Variants in ZNF558 observed in about 807,000 individuals in gnomAD.
ZNF558 encodes the protein zinc finger protein 558.
Under a neutral mutation model 37.6 loss-of-function variants are expected in ZNF558, and 23 were observed. That is an observed-to-expected ratio of 0.61 (90% confidence interval 0.44 to 0.87). The LOEUF is 0.87. Among genes scored for constraint, ZNF558 ranks in the 40% least tolerant of loss-of-function variants. ZNF558 has a pLI of 0.00. For missense variants in ZNF558, 429 were observed against 483.7 expected, an observed-to-expected ratio of 0.89 and a Z score of 1.06; for synonymous variants, 189 against 174.4, an observed-to-expected ratio of 1.08 and a Z score of -0.66.
intron 6 of ZNF558, 68 bp from the exon 7 acceptor site, chr19:8,821,374 C>T: frequency 1.1e-5 from 17 of 1,613,836 alleles, no homozygotes; most frequent in Non-Finnish European, 1.4e-5. Flanking sequence ...GAAGAGGGGC[C>T]AGGAGAACAG....
rs2043760083 is a variant in ZNF558 at position 8,810,576 on chromosome 19, A to C, written c.*705T>G. The C allele has an allele frequency of 6.6e-6, 1 of 152,224 alleles. No individual in the cohort carries two copies. The highest frequency in any genetic ancestry group is 1.5e-5 in the Non-Finnish European group (1 of 68,050). The allele number at this position is 152,224 out of a possible 1,614,324, so 9.4% of individuals were successfully genotyped here. On this transcript the variant is annotated 3_prime_UTR_variant, in exon 10 of 10. Transcript: ENST00000601372. ...GATTGTCCTCAAAAGGTTTCTCTTC[A>C]GAGTGAATTAATAGGAGTTACTGAA...
chr19:8,819,933 G>A (rs1230689270), intron 7 of ZNF558, among the ~76,000 whole-genome samples: 2 of 152,144 alleles, frequency 1.3e-5, no homozygotes, highest in Non-Finnish European at 2.9e-5. Context: ...GCGACAGAGG[G>A]AGACTGTGTC....
In ZNF558 at chr19:8,809,104, A is replaced by G. The variant is rs1206211852; in HGVS notation, c.*2177T>C. The G allele has an allele frequency of 6.6e-6, 1 of 152,322 alleles. No homozygotes were observed. Among genetic ancestry groups the G allele is most frequent in the South Asian group, 2.1e-4 (1 of 4,828 alleles). 9.4% of individuals were successfully genotyped at this position (152,322 alleles called of 1,614,324 possible). ...TAGGGGTTTCTTTTAGTCACATAAG[A>G]AGTATAAGAATAAGGAGTCCAGAGC... On this transcript the variant is annotated 3_prime_UTR_variant, in exon 10 of 10. Transcript: ENST00000601372.
chr19:8,816,750 G>A (rs539932573), intron 7 of ZNF558, among the ~76,000 whole-genome samples: 1 of 152,284 alleles, frequency 6.6e-6, no homozygotes, highest in South Asian at 2.1e-4. Context: ...ATACAGAGGT[G>A]AATATAAAAG....
At chr19:8,826,197 G>A (rs1290387096) in intron 2 of ZNF558, among the ~76,000 whole-genome samples, 1 of 152,118 alleles carries the variant, frequency 6.6e-6, no homozygotes, top group Non-Finnish European at 1.5e-5. Flanking sequence ...AACCTTTCTG[G>A]TACCAGGGAC....
At chr19:8,833,738 C>CA (rs2044416960), upstream of ZNF558, among the ~76,000 whole-genome samples, 1 of 150,236 alleles carries the variant, frequency 6.7e-6, no homozygotes, top group African/African-American at 2.5e-5. Context: ...CTTGTAATCC[C>CA]AACACTTTGG....
chr19:8,823,972 C>A (rs1433731379), intron 4 of ZNF558, 110 bp downstream of exon 4: 1 of 152,662 alleles, frequency 6.6e-6, no homozygotes, highest in East Asian at 1.9e-4. Flanking sequence ...TTCACACCTC[C>A]TCCCCTGTCC....
At position 8,822,786 on chromosome 19, in the gene ZNF558, G is replaced by C. The variant is rs531022449; in HGVS notation, c.-65-62C>G. 4 of 1,456,280 alleles carry C rather than the reference G, an allele frequency of 2.7e-6. No individual in the cohort carries two copies. The East Asian group carries it at 9.2e-5, about 33-fold the overall frequency. 90.2% of individuals were successfully genotyped at this position (1,456,280 alleles called of 1,614,324 possible). On this transcript the variant is annotated intron_variant, in intron 4 of 9. Coordinates refer to ENST00000601372, the MANE Select transcript of ZNF558 (RefSeq NM_144693.3). The surrounding 1 kb of genome is among the most constrained non-coding windows in gnomAD (Gnocchi z 4.4). ...TCCTCCCTCTCGGGCTGCTGGGGAT[G>C]GGCCCTCCTCAACCCATCCTTCCCA...
In ZNF558 at chr19:8,811,619, G is replaced by T; in HGVS notation, c.871C>A (p.Pro291Thr). The stretch of plus-strand genomic sequence containing the variant: ...TTCCCACAATCGTGACATTCATAAG[G>T]TTTCTCCCCTGTATGAATGCTATTG... ...GHNSIHTGEK[P>T]YECHDCGKTF... is the part of the protein sequence containing the mutation. Residue 291 changes from proline (P) to threonine (T), a missense_variant, in exon 10 of 10, where the codon CCT becomes ACT. Physicochemically the swap from Pro to Thr is conservative, Grantham distance 38. Coordinates refer to ENST00000601372, the MANE Select transcript of ZNF558 (RefSeq NM_144693.3). The T allele has an allele frequency of 1.2e-6, 2 of 1,614,082 alleles. No individual in the cohort carries two copies. The highest frequency in any genetic ancestry group is 1.7e-5 in the Admixed American group (1 of 60,018).
chr19:8,817,792 GATTATAAACAT>G (rs1310661170), intron 7 of ZNF558, among the ~76,000 whole-genome samples: 4 of 152,120 alleles, frequency 2.6e-5, no homozygotes, highest in African/African-American at 9.7e-5. Flanking sequence ...AAAATGTAAC[GATTATAAACAT>G]ATATGTGCCT....
chr19:8,815,110 A>T (rs1362800878), intron 7 of ZNF558, among the ~76,000 whole-genome samples: 4 of 152,182 alleles, frequency 2.6e-5, no homozygotes, highest in Non-Finnish European at 4.4e-5. Flanking sequence ...CGTTGGGCCC[A>T]TTACAAGAAA....
chr19:8,829,498 A>C (rs2044303062), intron 2 of ZNF558, among the ~76,000 whole-genome samples: 1 of 152,188 alleles, frequency 6.6e-6, no homozygotes, highest in Non-Finnish European at 1.5e-5. Context: ...GTTCCCTCTG[A>C]TCAAGTTCAC....
chr19:8,812,374 A>G (rs192337458), intron 9 of ZNF558, among the ~76,000 whole-genome samples, 187 bp downstream of exon 9: 20 of 152,344 alleles, frequency 1.3e-4, no homozygotes, highest in Admixed American at 3.9e-4. Flanking sequence ...CCGTGAAGAA[A>G]TAAGTTTGGA....
Position 8,807,075 on chromosome 19 carries a change from A to T in ZNF558, c.*4206T>A, listed in dbSNP as rs2043709650. 6.6e-5 allele frequency: 10 copies of T among 152,280 alleles called. No individual in the cohort carries two copies. The South Asian group carries it at 2.1e-3, about 32-fold the overall frequency. 9.4% of individuals were successfully genotyped at this position (152,280 alleles called of 1,614,324 possible). ...CAAATTGTCTCTGGATCTGCTATTGATTTATATATTCATAAATGGGGATAT... is the reference window on the plus strand; with the variant it reads ...CAAATTGTCTCTGGATCTGCTATTGTTTTATATATTCATAAATGGGGATAT... On this transcript the variant is annotated 3_prime_UTR_variant, in exon 10 of 10. Coordinates refer to ENST00000601372, the MANE Select transcript of ZNF558 (RefSeq NM_144693.3).
At chr19:8,834,974 A>T (rs1353594087), upstream of ZNF558, among the ~76,000 whole-genome samples, 1 of 152,176 alleles carries the variant, frequency 6.6e-6, no homozygotes, top group East Asian at 1.9e-4. Flanking sequence ...TATCTGATAC[A>T]TGACTTGTAT....
chr19:8,834,136 C>T (rs1270748016), upstream of ZNF558, among the ~76,000 whole-genome samples: 7 of 152,144 alleles, frequency 4.6e-5, no homozygotes, highest in African/African-American at 9.7e-5. Context: ...TTCATGCACC[C>T]GTCCTTTCAG....
chr19:8,824,690 G>A (rs968314957), intron 3 of ZNF558, among the ~76,000 whole-genome samples: 2 of 152,034 alleles, frequency 1.3e-5, no homozygotes, highest in Non-Finnish European at 2.9e-5. Flanking sequence ...TTCTGGCCTG[G>A]GGTCCACCCT....
rs374464873 is a variant in ZNF558, at chr19:8,822,556, G to A, written c.31+73C>T. ...TGCCTCACCTGCTCTGCCCAACCCC[G>A]CTCGTGTCCCATGCTGTGGGTCAGA... On this transcript the variant is annotated intron_variant, in intron 5 of 9. Transcript: ENST00000601372. This position sits in a 1 kb window ranked among gnomAD's most constrained non-coding sequence, Gnocchi z 4.4. 3.7e-6 allele frequency: 6 copies of A among 1,604,930 alleles called. No homozygotes were observed. The highest frequency in any genetic ancestry group is 3.3e-4 in the Middle Eastern group (2 of 6,034).
intron 7 of ZNF558, among the ~76,000 whole-genome samples, chr19:8,814,490 G>T (rs2043880433): frequency 6.6e-6 from 1 of 152,088 alleles, no homozygotes; most frequent in Admixed American, 6.6e-5. Flanking sequence ...GGAAAAATGG[G>T]GAAAAAGATG....
Sources: allele counts gnomAD v4.1 joint callset (sites outside exome capture counted in the v4.1 genomes callset), GRCh38; gene constraint gnomAD v4.1.1; non-coding constraint Gnocchi (gnomAD v3.1); transcripts MANE v1.5; gene names NCBI Gene and HGNC (gene_info 2026-07-23, HGNC 2026-07-21).